The following RABGAP1L variants were observed in gnomAD, a reference collection of about 807,000 sequenced individuals.
RABGAP1L encodes the protein rab GTPase-activating protein 1-like.
A neutral mutation model predicts 137.7 loss-of-function variants in RABGAP1L; 63 were observed. The observed-to-expected ratio is 0.46, with a 90% CI of 0.37 to 0.56. RABGAP1L has a LOEUF of 0.56. Ranked by LOEUF, RABGAP1L falls within the 20% of genes least tolerant of loss-of-function variation. The pLI is 0.00. For missense variants in RABGAP1L, 1,095 were observed against 1,244.0 expected (o/e 0.88, Z 1.80); for synonymous variants, 431 against 433.7 (o/e 0.99, Z 0.08).
chr1:174,676,911 A>C (rs970679189), intron 14 of RABGAP1L, among the ~76,000 whole-genome samples: 1 of 152,158 alleles, frequency 6.6e-6, no homozygotes, highest in Non-Finnish European at 1.5e-5. Flanking sequence ...CTTAAACCCC[A>C]GGGATATCAT....
At chr1:174,467,293 C>T (rs1657409483) in intron 13 of RABGAP1L, among the ~76,000 whole-genome samples, 1 of 151,964 alleles carries the variant, frequency 6.6e-6, no homozygotes, top group African/African-American at 2.4e-5. Context: ...AATTTGTCTT[C>T]TCTGTAGTCA....
At chr1:174,293,966 C>G (rs916777445) in intron 10 of RABGAP1L, among the ~76,000 whole-genome samples, 2 of 151,980 alleles carry the variant, frequency 1.3e-5, no homozygotes, top group Admixed American at 6.6e-5. Flanking sequence ...ACTCATCACC[C>G]TTATCACCCT....
intron 17 of RABGAP1L, among the ~76,000 whole-genome samples, chr1:174,711,220 C>T (rs192729628): frequency 1.3e-5 from 2 of 152,250 alleles, no homozygotes; most frequent in East Asian, 1.9e-4. Flanking sequence ...TGCGCCTCTC[C>T]CTCCACACCT....
chr1:174,188,152 G>T (rs1348889249), intron 1 of RABGAP1L, among the ~76,000 whole-genome samples: 1 of 152,090 alleles, frequency 6.6e-6, no homozygotes, highest in Non-Finnish European at 1.5e-5. Context: ...TATAGAGTGT[G>T]GTTTCTTGAT....
intron 1 of RABGAP1L, among the ~76,000 whole-genome samples, chr1:174,174,554 A>G (rs2148252429): frequency 6.6e-6 from 1 of 152,326 alleles, no homozygotes; most frequent in East Asian, 1.9e-4. Context: ...TTTCAAGTCC[A>G]AAGGCCTGAG....
chr1:174,603,126 T>A (rs954455522), intron 13 of RABGAP1L, among the ~76,000 whole-genome samples: 1 of 152,172 alleles, frequency 6.6e-6, no homozygotes, highest in Non-Finnish European at 1.5e-5. Context: ...AATTGAGTAT[T>A]GTGGCCTAAG....
chr1:174,313,986 G>T (rs1254468274), intron 11 of RABGAP1L, among the ~76,000 whole-genome samples: 2 of 152,060 alleles, frequency 1.3e-5, no homozygotes, highest in African/African-American at 2.4e-5. Flanking sequence ...ATATGCGTTT[G>T]TCTGGTTTTG....
chr1:174,774,637 T>C (rs1165550560), intron 18 of RABGAP1L, among the ~76,000 whole-genome samples: 4 of 152,076 alleles, frequency 2.6e-5, no homozygotes, highest in South Asian at 2.1e-4. Context: ...CTCAGCACTT[T>C]GGCAGGGCAA....
At chr1:174,647,082 G>A (rs996752752) in intron 14 of RABGAP1L, among the ~76,000 whole-genome samples, 5 of 152,164 alleles carry the variant, frequency 3.3e-5, no homozygotes, top group Non-Finnish European at 2.9e-5. Flanking sequence ...TGCTGAAGGT[G>A]CTTAGCAGCT....
intron 13 of RABGAP1L, among the ~76,000 whole-genome samples, chr1:174,589,998 A>T (rs116509208): frequency 6.6e-6 from 1 of 152,112 alleles, no homozygotes; most frequent in Non-Finnish European, 1.5e-5. Flanking sequence ...TCTGTGAAGA[A>T]TGAGATTGAT....
At chr1:174,372,810 A>G (rs1465759612) in intron 12 of RABGAP1L, among the ~76,000 whole-genome samples, 5 of 152,204 alleles carry the variant, frequency 3.3e-5, no homozygotes, top group African/African-American at 1.2e-4. Context: ...TTTACCTGGC[A>G]ATTCATTTGC....
At chr1:174,957,863 G>A in intron 20 of RABGAP1L, 1 of 1,548,810 alleles carries the variant, frequency 6.5e-7, no homozygotes, top group African/African-American at 1.4e-5. Context: ...CTCCCAAATA[G>A]CCAACCATAA....
chr1:174,907,142 T>C (rs1659229553), intron 19 of RABGAP1L, among the ~76,000 whole-genome samples: 1 of 151,924 alleles, frequency 6.6e-6, no homozygotes, highest in South Asian at 2.1e-4. Flanking sequence ...AAACCCAAAA[T>C]ACTCTGTTAC....
intron 18 of RABGAP1L, among the ~76,000 whole-genome samples, chr1:174,754,476 T>C (rs968418788): frequency 2.0e-5 from 3 of 152,168 alleles, no homozygotes; most frequent in African/African-American, 7.2e-5. Flanking sequence ...TGCTGGGTTT[T>C]TTTTTCTTTT....
intron 19 of RABGAP1L, among the ~76,000 whole-genome samples, chr1:174,945,343 A>G (rs1244049978): frequency 2.0e-5 from 3 of 152,154 alleles, no homozygotes; most frequent in African/African-American, 2.4e-5. Flanking sequence ...CTAACCAAAA[A>G]CTTATTTACA....
chr1:174,605,227 A>T (rs559036321), intron 13 of RABGAP1L, among the ~76,000 whole-genome samples: 24 of 152,348 alleles, frequency 1.6e-4, no homozygotes, highest in African/African-American at 5.8e-4. Flanking sequence ...AGGAATGAGC[A>T]GGAACACTTG....
At chr1:174,537,206 A>C (rs1338818904) in intron 13 of RABGAP1L, among the ~76,000 whole-genome samples, 1 of 152,200 alleles carries the variant, frequency 6.6e-6, no homozygotes, top group Non-Finnish European at 1.5e-5. Context: ...CTATAAACTT[A>C]TATGTGGGTG....
Position 174,699,610 on chromosome 1 carries a change from A to T in RABGAP1L, c.1985A>T (p.Asp662Val). ...GACCTCTACAGAAACAACTTCGAAG[A>T]TCTTCATTGCAAATTCTACCAGTTG... The part of the protein sequence containing the change: ...LRDLYRNNFE[D>V]LHCKFYQLER... The change falls in exon 16 of 26, where the codon GAT becomes GTT. Residue 662 changes from aspartate to valine, a missense_variant. Asp to Val is a radical substitution (Grantham distance 152). Transcript: ENST00000681986. 1 of 1,608,956 alleles carries T rather than the reference A, an allele frequency of 6.2e-7. No individual in the cohort carries two copies. Among genetic ancestry groups the T allele is most frequent in the Non-Finnish European group, 8.5e-7 (1 of 1,175,412 alleles).
intron 13 of RABGAP1L, chr1:174,449,008 C>G: frequency 6.2e-7 from 1 of 1,613,348 alleles, no homozygotes; most frequent in Non-Finnish European, 8.5e-7. Flanking sequence ...CAACTCTGTC[C>G]TTCTTAACAA....
Sources: gnomAD v4.1 joint callset for allele counts (sites outside exome capture counted in the v4.1 genomes callset) on GRCh38, gnomAD v4.1.1 for gene constraint, MANE v1.5 for transcripts, NCBI Gene and HGNC (gene_info 2026-07-23, HGNC 2026-07-21) for gene names.